The following ADGRE3 variants were observed in gnomAD, a reference collection of about 807,000 sequenced individuals.
The protein encoded by ADGRE3 is EGF-like module receptor 3.
A neutral mutation model predicts 80.1 loss-of-function variants in ADGRE3; 88 were observed. The ratio of observed to expected loss-of-function variants is 1.10; its 90% CI spans 0.93 to 1.31. The LOEUF (loss-of-function observed/expected upper bound fraction) is 1.31, where lower values mean the gene tolerates loss of function less well. Ranked by LOEUF, ADGRE3 falls within the 40% of genes most tolerant of loss-of-function variation. The pLI, the probability that ADGRE3 is intolerant of heterozygous loss-of-function variation, is 0.00. For synonymous variants in ADGRE3, 281 were observed against 294.8 expected (o/e 0.95, Z 0.48); for missense variants, 715 against 776.5 (o/e 0.92, Z 0.94).
chr19:14,637,373 C>T (rs1046494872), intron 11 of ADGRE3, among the ~76,000 whole-genome samples: 4 of 150,520 alleles, frequency 2.7e-5, no homozygotes, highest in African/African-American at 4.9e-5. Flanking sequence ...TCTCGCTTGG[C>T]GCCCTGAGAT....
chr19:14,673,841 A>G (rs1972318315), intron 1 of ADGRE3, among the ~76,000 whole-genome samples: 1 of 152,214 alleles, frequency 6.6e-6, no homozygotes, highest in African/African-American at 2.4e-5. Flanking sequence ...AATGATGTAC[A>G]TTGTAACCAT....
the ADGRE3 span, among the ~76,000 whole-genome samples, chr19:14,613,260 C>T: frequency 2.5e-3 from 380 of 149,028 alleles, no homozygotes; most frequent in African/African-American, 8.9e-3. Flanking sequence ...CTCACTCTGT[C>T]GCCCAGGCTG....
At chr19:14,639,067 A>G (rs561151753) in intron 10 of ADGRE3, among the ~76,000 whole-genome samples, 34 of 151,912 alleles carry the variant, frequency 2.2e-4, no homozygotes, top group Admixed American at 1.3e-3. Context: ...ATATCCACTA[A>G]TTTTTGCAGA....
At chr19:14,620,806 C>T (rs1455951844) in intron 15 of ADGRE3, among the ~76,000 whole-genome samples, 1 of 150,216 alleles carries the variant, frequency 6.7e-6, no homozygotes, top group Admixed American at 6.7e-5. Flanking sequence ...ACTATACTGC[C>T]CAGGTTATAT....
chr19:14,623,304 A>AAAAAAAAT (rs1555753587), intron 15 of ADGRE3, among the ~76,000 whole-genome samples: 2 of 27,450 alleles, frequency 7.3e-5, no homozygotes, highest in African/African-American at 3.0e-4. Flanking sequence ...AAAAATAAAA[A>AAAAAAAAT]AAAAAAAAAA....
At chr19:14,634,672 A>C (rs1237913535) in intron 11 of ADGRE3, among the ~76,000 whole-genome samples, 2 of 152,164 alleles carry the variant, frequency 1.3e-5, no homozygotes, top group Non-Finnish European at 2.9e-5. Context: ...CATCTCGCTA[A>C]TGAGGGGACT....
chr19:14,614,779 G>T (rs537045361), downstream of ADGRE3, among the ~76,000 whole-genome samples: 64 of 152,002 alleles, frequency 4.2e-4, no homozygotes, highest in African/African-American at 1.5e-3. Flanking sequence ...GTTTTGCCAT[G>T]TTGGCCAGGC....
In ADGRE3 at chr19:14,658,501, G is replaced by A; in HGVS notation, c.393+12C>T. ...TTACCTGGGAAGGGTCTGGGGATCA[G>A]CCTCCACTCACCTCTTTCCTGCCCT... On this transcript the variant is annotated intron_variant, in intron 5 of 15. Coordinates refer to ENST00000253673, the MANE Select transcript of ADGRE3 (RefSeq NM_032571.5). 6.4e-7 allele frequency: 1 copy of A among 1,556,462 alleles called. No individual in the cohort carries two copies. Among genetic ancestry groups the A allele is most frequent in the Non-Finnish European group, 8.7e-7 (1 of 1,150,316 alleles).
intron 13 of ADGRE3, among the ~76,000 whole-genome samples, chr19:14,632,418 C>A (rs1173108881): frequency 6.6e-6 from 1 of 151,992 alleles, no homozygotes; most frequent in Non-Finnish European, 1.5e-5. Context: ...AGTTTTAAAA[C>A]AAGGCACATG....
rs984723522 is a variant in ADGRE3, at chr19:14,630,060, G to C, written c.1791C>G (p.Val597=). 6.2e-7 allele frequency: 1 copy of C among 1,609,746 alleles called. No homozygotes were observed. The highest frequency in any genetic ancestry group is 8.5e-7 in the Non-Finnish European group (1 of 1,177,464). ...NSLQGFFIFL[V]YCLLSQQVQK... is the part of the protein sequence containing the mutation. ...TTACCTGCTGGCTGAGGAGGCAGTA[G>C]ACCAAGAAGATGAAGAAGCCTTGGA... is the stretch of plus-strand genomic sequence containing the variant. The change falls in exon 14 of 16, where the codon GTC becomes GTG. Residue 597 remains valine, a synonymous_variant. Transcript: ENST00000253673.
chr19:14,668,975 C>T lies in ADGRE3; in HGVS notation c.26-123G>A, dbSNP rs1599656475. 20 of 889,666 alleles carry T rather than the reference C, an allele frequency of 2.2e-5. No homozygotes were observed. The East Asian group carries it at 5.1e-4, about 23-fold the overall frequency. The allele number at this position is 889,666 out of a possible 1,614,324, so 55.1% of individuals were successfully genotyped here. A position where few individuals can be genotyped will look rare whatever the true frequency, so the allele number is the denominator to read the frequency against. Reference sequence around the variant, plus strand: ...GTAACAAATTACAAAAATGTAGTGGCTTAAAGCTACATTTTTGTTGAGTAT... The same window carrying T: ...GTAACAAATTACAAAAATGTAGTGGTTTAAAGCTACATTTTTGTTGAGTAT... On this transcript the variant is annotated intron_variant, in intron 1 of 15. Transcript: ENST00000253673.
At chr19:14,612,931 T>TA in the ADGRE3 span, among the ~76,000 whole-genome samples, 28 of 124,038 alleles carry the variant, frequency 2.3e-4, no homozygotes, top group African/African-American at 7.2e-4. Context: ...ATCAATTTAT[T>TA]TTTTTTTTTT....
intron 13 of ADGRE3, among the ~76,000 whole-genome samples, chr19:14,632,439 A>T (rs770483691): frequency 6.6e-6 from 1 of 152,194 alleles, no homozygotes. Context: ...GTCAAGGTAG[A>T]GACTACATTT....
intron 5 of ADGRE3, among the ~76,000 whole-genome samples, chr19:14,658,110 C>A (rs554981357): frequency 6.6e-6 from 1 of 152,074 alleles, no homozygotes; most frequent in South Asian, 2.1e-4. Context: ...AAAATGTCCT[C>A]GTGTAAGTGG....
chr19:14,620,568 A>ATATATATATATTTT (rs1435435269), intron 15 of ADGRE3, among the ~76,000 whole-genome samples: 1 of 11,050 alleles, frequency 9.0e-5, no homozygotes, highest in Non-Finnish European at 1.5e-4. Context: ...ATATATATAT[A>ATATATATATATTTT]TTTTTTTTTT....
chr19:14,656,486 T>C (rs1209483717), intron 5 of ADGRE3, among the ~76,000 whole-genome samples: 7 of 152,054 alleles, frequency 4.6e-5, no homozygotes. Flanking sequence ...CACTAGATTT[T>C]ATAGTCAGGC....
At chr19:14,658,792 T>G (rs1971850978) in intron 4 of ADGRE3, among the ~76,000 whole-genome samples, 1 of 152,132 alleles carries the variant, frequency 6.6e-6, no homozygotes, top group Admixed American at 6.6e-5. Flanking sequence ...TGGAGTGCAA[T>G]GGTGCGACCT....
chr19:14,659,822 G>GAAAAAAAAAAAAAA (rs66908687), intron 4 of ADGRE3, among the ~76,000 whole-genome samples: 586 of 44,732 alleles, frequency 0.013, 102 homozygotes, highest in Middle Eastern at 0.037. Flanking sequence ...CTCTGCCTCT[G>GAAAAAAAAAAAAAA]AAAAAAAAAA....
At chr19:14,625,986 A>G (rs1970727488) in intron 14 of ADGRE3, among the ~76,000 whole-genome samples, 1 of 152,186 alleles carries the variant, frequency 6.6e-6, no homozygotes, top group Non-Finnish European at 1.5e-5. Flanking sequence ...GTTTGGGAAG[A>G]TGAATAAAGT....
Sources: gnomAD v4.1 joint callset for allele counts (sites outside exome capture counted in the v4.1 genomes callset) on GRCh38, gnomAD v4.1.1 for gene constraint, MANE v1.5 for transcripts, NCBI Gene and HGNC (gene_info 2026-07-23, HGNC 2026-07-21) for gene names.